Variants in PTH1R observed in about 807,000 individuals in gnomAD.
PTH1R encodes parathyroid hormone/parathyroid hormone-related peptide receptor.
Under a neutral mutation model 70.7 loss-of-function variants are expected in PTH1R, and 32 were observed. That is an observed-to-expected ratio of 0.45 (90% CI 0.34 to 0.61). PTH1R has a LOEUF of 0.61. PTH1R is among the 20% of genes least tolerant of loss of function. The pLI, the probability that PTH1R is intolerant of heterozygous loss-of-function variation, is 0.01. For missense variants in PTH1R, 626 were observed against 792.5 expected, an observed-to-expected ratio of 0.79 and a Z score of 2.52; for synonymous variants, 329 against 324.8, an observed-to-expected ratio of 1.01 and a Z score of -0.14.
chr3:46,896,055 T>G lies in PTH1R; in HGVS notation c.313+186T>G, dbSNP rs2031732554. ...TGGGAAGGAAGGGGAGCTAGATGGC[T>G]CAGGCCTCAGAAAGAGATGAACAGA... On this transcript the variant is annotated intron_variant, in intron 5 of 15. Transcript: ENST00000449590. The surrounding 1 kb of genome is among the most constrained non-coding windows in gnomAD (Gnocchi z 4.1). Among the ~76,000 whole-genome samples the G allele has an allele frequency of 6.6e-6, 1 of 152,012 alleles. No homozygotes were observed. Among genetic ancestry groups the G allele is most frequent in the African/African-American group, 2.4e-5 (1 of 41,384 alleles).
Position 46,898,764 on chromosome 3 carries a change from C to A in PTH1R, c.741C>A (p.Gly247=), listed in dbSNP as rs1316483329. The A allele has an allele frequency of 5.6e-6, 9 of 1,606,620 alleles. No homozygotes were observed. The highest frequency in any genetic ancestry group is 7.6e-6 in the Non-Finnish European group (9 of 1,178,696). The change falls in exon 9 of 16, where the codon GGC becomes GGA. Residue 247 remains glycine (G), a synonymous_variant. Coordinates refer to ENST00000449590, the MANE Select transcript of PTH1R (RefSeq NM_000316.3). ...IFVKDAVLYS[G]ATLDEAERLT... ...TCAAGGACGCTGTGCTCTACTCTGG[C>A]GCCACGCTTGATGAGGCTGAGCGCC...
rs1275029304 is a variant in PTH1R, at chr3:46,883,092, C to T, written c.-48-420C>T. Reference sequence around the variant, plus strand: ...CGCGACCCCGACCCCTCCCCCGCCCCCTCCCCCCACTGGGCGTGGGGCGAA... The same window carrying T: ...CGCGACCCCGACCCCTCCCCCGCCCTCTCCCCCCACTGGGCGTGGGGCGAA... On this transcript the variant is annotated intron_variant, in intron 2 of 15. Coordinates refer to ENST00000449590, the MANE Select transcript of PTH1R (RefSeq NM_000316.3). This position sits in a 1 kb window ranked among gnomAD's most constrained non-coding sequence, Gnocchi z 6.4. Among the ~76,000 whole-genome samples the T allele has an allele frequency of 6.6e-6, 1 of 151,538 alleles. No homozygotes were observed. The highest frequency in any genetic ancestry group is 2.4e-5 in the African/African-American group (1 of 41,288).
rs1327888837 is a variant in PTH1R, at chr3:46,895,852, C to G, written c.296C>G (p.Thr99Ser). The G allele has an allele frequency of 6.2e-7, 1 of 1,613,500 alleles. No homozygotes were observed. Among genetic ancestry groups the G allele is most frequent in the Non-Finnish European group, 8.5e-7 (1 of 1,180,020 alleles). The change falls in exon 5 of 16, where the codon ACT becomes AGT. Residue 99 changes from threonine (T) to serine (S), a missense_variant. Thr to Ser is a moderately conservative substitution (Grantham distance 58). Transcript: ENST00000449590. ...PESEEDKEAP[T>S]GSRYRGRPCL... ...TCTGAGGAGGACAAGGAGGCACCCA[C>G]TGGCAGCAGGTACCGAGGTACGTCT...
intron 9 of PTH1R, 91 bp downstream of exon 9, chr3:46,898,948 C>T: frequency 3.2e-6 from 3 of 939,140 alleles, no homozygotes; most frequent in Non-Finnish European, 4.5e-6. Context: ...CTCGCCCTGC[C>T]CGCCTCCTGC....
At chr3:46,888,577 C>T (rs780968485) in intron 3 of PTH1R, among the ~76,000 whole-genome samples, 12 of 152,110 alleles carry the variant, frequency 7.9e-5, no homozygotes, top group African/African-American at 1.9e-4. Context: ...CTGCAAAATA[C>T]GGTGTGATTG....
intron 3 of PTH1R, among the ~76,000 whole-genome samples, chr3:46,886,504 C>A (rs559253077): frequency 8.5e-5 from 13 of 152,098 alleles, no homozygotes; most frequent in Non-Finnish European, 1.8e-4. Flanking sequence ...ATTACAGGCG[C>A]CCGCCACCAT....
intron 10 of PTH1R, 73 bp downstream of exon 10, chr3:46,899,529 G>T (rs1038238449): frequency 1.9e-6 from 3 of 1,549,168 alleles, no homozygotes; most frequent in African/African-American, 1.4e-5. Context: ...GGCAGCCCCT[G>T]GGGGGAGGCG....
chr3:46,887,794 A>C (rs1309338531), intron 3 of PTH1R, among the ~76,000 whole-genome samples: 1 of 152,196 alleles, frequency 6.6e-6, no homozygotes. Flanking sequence ...TAAATGCTGC[A>C]TAGTATTCCA....
intron 3 of PTH1R, among the ~76,000 whole-genome samples, chr3:46,887,674 G>T (rs2031125085): frequency 1.3e-5 from 2 of 152,082 alleles, no homozygotes; most frequent in Non-Finnish European, 2.9e-5. Flanking sequence ...TTGTCTGGTT[G>T]TTTTTAAATA....
At chr3:46,890,569 T>C (rs1424043582) in intron 3 of PTH1R, among the ~76,000 whole-genome samples, 1 of 141,778 alleles carries the variant, frequency 7.1e-6, no homozygotes, top group African/African-American at 2.6e-5. Context: ...AATGGCGCGA[T>C]CTCGGCTCAC....
In PTH1R at chr3:46,903,791, GAA is replaced by G. The variant is rs2032282675; in HGVS notation, c.*138_*139del. 2.8e-6 allele frequency: 4 copies of G among 1,440,942 alleles called. No homozygotes were observed. In the African/African-American group the frequency reaches 5.7e-5, roughly 21 times the overall value. The allele number at this position is 1,440,942 out of a possible 1,614,324, so 89.3% of individuals were successfully genotyped here. A position where few individuals can be genotyped will look rare whatever the true frequency, so the allele number is the denominator to read the frequency against. ...AAAAAAAGAAAAAAAAAAGAAAAAGGAAAAGGAAGCGGTGTGTGGCTTCCTGT... is the reference window on the plus strand; with the variant it reads ...AAAAAAAGAAAAAAAAAAGAAAAAGGAAGGAAGCGGTGTGTGGCTTCCTGT... On this transcript the variant is annotated 3_prime_UTR_variant, in exon 16 of 16. Transcript: ENST00000449590. The surrounding 1 kb of genome is among the most constrained non-coding windows in gnomAD (Gnocchi z 4.4).
chr3:46,880,325 A>G (rs540502955), intron 1 of PTH1R: 2 of 152,432 alleles, frequency 1.3e-5, no homozygotes, highest in Admixed American at 6.5e-5. Context: ...CCAGGAGTCT[A>G]GCAGACAGTT....
Position 46,883,274 on chromosome 3 carries a change from G to T in PTH1R, c.-48-238G>T, listed in dbSNP as rs2030761021. On this transcript the variant is annotated intron_variant, in intron 2 of 15. Transcript: ENST00000449590. The surrounding 1 kb of genome is among the most constrained non-coding windows in gnomAD (Gnocchi z 6.4). Reference sequence around the variant, plus strand: ...CGCTCCGAGGCAGACGGGCCGCTCCGCAGCGCTCGGCGCCCGCCCGCCGCC... The same window carrying T: ...CGCTCCGAGGCAGACGGGCCGCTCCTCAGCGCTCGGCGCCCGCCCGCCGCC... 2 of 272,600 alleles carry T rather than the reference G, an allele frequency of 7.3e-6. No homozygotes were observed. Among genetic ancestry groups the T allele is most frequent in the Non-Finnish European group, 1.4e-5 (2 of 146,620 alleles). 16.9% of individuals were successfully genotyped at this position (272,600 alleles called of 1,614,324 possible). A position where few individuals can be genotyped will look rare whatever the true frequency, so the allele number is the denominator to read the frequency against.
rs1196395147 is a variant in PTH1R at position 46,896,497 on chromosome 3, G to A, written c.313+628G>A. Among the ~76,000 whole-genome samples the A allele has an allele frequency of 2.0e-5, 3 of 152,372 alleles. No individual in the cohort carries two copies. In the East Asian group the frequency reaches 5.8e-4, roughly 29 times the overall value. Reference sequence around the variant, plus strand: ...GGCTTTGGCCACAGGGCCGGTTTCAGCCGGCCGGGTGGGCAGCAGATTCCA... The same window carrying A: ...GGCTTTGGCCACAGGGCCGGTTTCAACCGGCCGGGTGGGCAGCAGATTCCA... On this transcript the variant is annotated intron_variant, in intron 5 of 15. Coordinates refer to ENST00000449590, the MANE Select transcript of PTH1R (RefSeq NM_000316.3). The surrounding 1 kb of genome is among the most constrained non-coding windows in gnomAD (Gnocchi z 4.1).
At chr3:46,881,686 G>A (rs560741228) in intron 2 of PTH1R, among the ~76,000 whole-genome samples, 46 of 152,160 alleles carry the variant, frequency 3.0e-4, no homozygotes, top group African/African-American at 1.0e-3. Flanking sequence ...CGACAGGCCT[G>A]GGATGGGACT....
chr3:46,889,257 T>A (rs537922755), intron 3 of PTH1R, among the ~76,000 whole-genome samples: 2 of 152,318 alleles, frequency 1.3e-5, no homozygotes, highest in East Asian at 3.9e-4. Context: ...CAGTTACAGC[T>A]GGGGACAAGC....
rs936183 is a variant in PTH1R at position 46,896,987 on chromosome 3, A to C, written c.314-868A>C. On this transcript the variant is annotated intron_variant, in intron 5 of 15. Transcript: ENST00000449590. The surrounding 1 kb of genome is among the most constrained non-coding windows in gnomAD (Gnocchi z 4.1). Reference sequence around the variant, plus strand: ...TCCCAACTTCCCAATGAGGAAATGGAAATAGAAAGACTTGGGACACCTGCG... The same window carrying C: ...TCCCAACTTCCCAATGAGGAAATGGCAATAGAAAGACTTGGGACACCTGCG... Among the ~76,000 whole-genome samples, 4,416 of 152,308 alleles carry C rather than the reference A, an allele frequency of 0.029. 80 individuals are homozygous for C. The highest frequency in any genetic ancestry group is 0.061 in the Middle Eastern group (18 of 294).
chr3:46,886,450 C>T (rs1334554500), intron 3 of PTH1R, among the ~76,000 whole-genome samples: 2 of 152,098 alleles, frequency 1.3e-5, no homozygotes, highest in Non-Finnish European at 2.9e-5. Context: ...CTCTGCCTCC[C>T]GGGTTCACGC....
In PTH1R at chr3:46,884,801, C is replaced by T. The variant is rs925729437; in HGVS notation, c.75+1167C>T. On this transcript the variant is annotated intron_variant, in intron 3 of 15. Transcript: ENST00000449590. The surrounding 1 kb of genome is among the most constrained non-coding windows in gnomAD (Gnocchi z 4.8). Reference sequence around the variant, plus strand: ...AAGCCTGGGCTGTCCTTCTCCGTGCCTCAGTTGCCCCATCTGTAAAAGAGA... The same window carrying T: ...AAGCCTGGGCTGTCCTTCTCCGTGCTTCAGTTGCCCCATCTGTAAAAGAGA... 6.6e-6 allele frequency among the ~76,000 whole-genome samples: 1 copy of T among 152,202 alleles called. No individual in the cohort carries two copies. The highest frequency in any genetic ancestry group is 2.4e-5 in the African/African-American group (1 of 41,438).
Sources: allele counts gnomAD v4.1 joint callset (sites outside exome capture counted in the v4.1 genomes callset), GRCh38; gene constraint gnomAD v4.1.1; non-coding constraint Gnocchi (gnomAD v3.1); transcripts MANE v1.5; gene names NCBI Gene and HGNC (gene_info 2026-07-23, HGNC 2026-07-21).